Variants in PRKG1 observed in about 807,000 individuals in gnomAD.
PRKG1 encodes the protein protein kinase cGMP-dependent 1.
A neutral mutation model predicts 88.1 loss-of-function variants in PRKG1; 35 were observed. The ratio of observed to expected loss-of-function variants is 0.40; its 90% CI spans 0.30 to 0.53. The LOEUF (loss-of-function observed/expected upper bound fraction) is 0.53, where lower values mean the gene tolerates loss of function less well. Among genes scored for constraint, PRKG1 ranks in the 20% least tolerant of loss-of-function variants. The pLI is 0.59. For missense variants in PRKG1, 540 were observed against 839.8 expected (o/e 0.64, Z 4.41); for synonymous variants, 303 against 292.5 (o/e 1.04, Z -0.37).
chr10:51,735,205 T>G (rs1225609614), intron 3 of PRKG1, among the ~76,000 whole-genome samples: 1 of 152,210 alleles, frequency 6.6e-6, no homozygotes, highest in Admixed American at 6.5e-5. Context: ...TTGCTACATG[T>G]GTTTCTTTTA....
At chr10:51,559,992 A>C (rs16919640) in intron 3 of PRKG1, among the ~76,000 whole-genome samples, 1,676 of 152,268 alleles carry the variant, frequency 0.011, 36 homozygotes, top group African/African-American at 0.038. Flanking sequence ...CTTCTAGTAA[A>C]TTCTGCAACA....
chr10:52,077,961 C>A (rs1228938586), intron 7 of PRKG1, among the ~76,000 whole-genome samples: 1 of 152,156 alleles, frequency 6.6e-6, no homozygotes, highest in Non-Finnish European at 1.5e-5. Flanking sequence ...AATTTCTGTG[C>A]TTAGAGGTGC....
intron 5 of PRKG1, among the ~76,000 whole-genome samples, chr10:52,008,534 A>G (rs1176584302): frequency 6.6e-6 from 1 of 152,172 alleles, no homozygotes; most frequent in African/African-American, 2.4e-5. Flanking sequence ...GAAGAGATGC[A>G]TAAATTCCTG....
intron 4 of PRKG1, among the ~76,000 whole-genome samples, chr10:51,884,399 C>T (rs1459605373): frequency 2.4e-5 from 3 of 127,442 alleles, no homozygotes; most frequent in Non-Finnish European, 3.2e-5. Context: ...GAGTCGAGAT[C>T]GCGCCACTGC....
intron 5 of PRKG1, among the ~76,000 whole-genome samples, chr10:51,969,751 T>C (rs1368575777): frequency 6.6e-6 from 1 of 151,890 alleles, no homozygotes; most frequent in Non-Finnish European, 1.5e-5. Context: ...GGCTAAAATA[T>C]AAATATTCAC....
intron 9 of PRKG1, among the ~76,000 whole-genome samples, chr10:52,162,447 G>A (rs1461536167): frequency 6.6e-6 from 1 of 152,048 alleles, no homozygotes; most frequent in Non-Finnish European, 1.5e-5. Flanking sequence ...ATACAATTCC[G>A]TCTACAAGAA....
intron 5 of PRKG1, among the ~76,000 whole-genome samples, chr10:52,010,976 T>C (rs906307725): frequency 1.3e-5 from 2 of 152,202 alleles, no homozygotes; most frequent in Admixed American, 6.5e-5. Context: ...AAATGTTCCA[T>C]ATCTCCTTTA....
chr10:51,157,483 A>G (rs1466140801), intron 2 of PRKG1, among the ~76,000 whole-genome samples: 2 of 151,800 alleles, frequency 1.3e-5, no homozygotes. Context: ...TAATACTCTT[A>G]TATTCTTGTT....
At chr10:51,233,834 T>C (rs1404067241) in intron 2 of PRKG1, among the ~76,000 whole-genome samples, 4 of 152,162 alleles carry the variant, frequency 2.6e-5, no homozygotes, top group African/African-American at 7.2e-5. Flanking sequence ...CAATAAGCGG[T>C]ATCTTTTATT....
At chr10:52,270,415 G>T (rs1053655751) in intron 10 of PRKG1, among the ~76,000 whole-genome samples, 2 of 152,032 alleles carry the variant, frequency 1.3e-5, no homozygotes, top group African/African-American at 4.8e-5. Context: ...AAAGACACAT[G>T]CACACGTATG....
At chr10:52,034,682 A>T (rs1253882783) in intron 5 of PRKG1, among the ~76,000 whole-genome samples, 3 of 151,736 alleles carry the variant, frequency 2.0e-5, no homozygotes, top group Non-Finnish European at 4.4e-5. Flanking sequence ...ATGGAAAAAC[A>T]GTGTAAACCG....
intron 3 of PRKG1, among the ~76,000 whole-genome samples, chr10:51,763,846 G>A (rs954909133): frequency 6.6e-6 from 1 of 152,166 alleles, no homozygotes; most frequent in African/African-American, 2.4e-5. Flanking sequence ...TCTCTGCAGA[G>A]TCTCAAGGTA....
chr10:52,150,185 T>TAATAATAATAA (rs771689961), intron 8 of PRKG1, among the ~76,000 whole-genome samples: 5 of 149,622 alleles, frequency 3.3e-5, no homozygotes, highest in Middle Eastern at 3.2e-3. Flanking sequence ...ATAATAATAA[T>TAATAATAATAA]TTGATTGGCC....
intron 2 of PRKG1, among the ~76,000 whole-genome samples, chr10:51,304,865 C>T (rs1840994819): frequency 6.6e-6 from 1 of 151,926 alleles, no homozygotes; most frequent in South Asian, 2.1e-4. Flanking sequence ...TGCCACATAT[C>T]TTACAGATGA....
chr10:51,839,204 TA>T (rs1464524420), intron 4 of PRKG1, among the ~76,000 whole-genome samples: 1 of 152,168 alleles, frequency 6.6e-6, no homozygotes, highest in African/African-American at 2.4e-5. Flanking sequence ...GATTTTGAAA[TA>T]AAGATGAAAT....
rs192476761 is a variant in PRKG1, at chr10:51,040,841, A to G, written c.266+49197A>G. ...CTTTACTGAATTTATCAGTCCTAAT[A>G]GTTTTTTGGTGGATTCTTTTTTGTA... On this transcript the variant is annotated intron_variant, in intron 1 of 17. Coordinates refer to the PRKG1 transcript ENST00000401604. 3.3e-5 allele frequency among the ~76,000 whole-genome samples: 5 copies of G among 151,900 alleles called. No individual in the cohort carries two copies. In the East Asian group the frequency reaches 9.7e-4, roughly 30 times the overall value.
intron 1 of PRKG1, among the ~76,000 whole-genome samples, chr10:51,084,545 T>C (rs1321474572): frequency 6.6e-6 from 1 of 152,206 alleles, no homozygotes; most frequent in Non-Finnish European, 1.5e-5. Context: ...TTAAGATAGA[T>C]GTAATTTAAT....
chr10:51,621,007 G>GTATA (rs370817382), intron 3 of PRKG1, among the ~76,000 whole-genome samples: 8,714 of 122,012 alleles, frequency 0.071, 440 homozygotes, highest in African/African-American at 0.12. Context: ...GTGTATATGT[G>GTATA]TGTATATATA....
chr10:51,422,166 C>T (rs1838434691), intron 2 of PRKG1, among the ~76,000 whole-genome samples: 1 of 152,208 alleles, frequency 6.6e-6, no homozygotes. Flanking sequence ...TGGATCTCCA[C>T]ACATCTCTAT....
Sources: gnomAD v4.1 joint callset for allele counts (sites outside exome capture counted in the v4.1 genomes callset) on GRCh38, gnomAD v4.1.1 for gene constraint, MANE v1.5 for transcripts, NCBI Gene and HGNC (gene_info 2026-07-23, HGNC 2026-07-21) for gene names.